Variants in QTMAN observed in about 807,000 individuals in gnomAD.
QTMAN encodes the protein queuosine-tRNA mannosyltransferase.
the QTMAN span, among the ~76,000 whole-genome samples, chr2:144,317,070 T>C: frequency 2.9e-3 from 448 of 152,296 alleles, 4 homozygotes; most frequent in African/African-American, 0.01. Context: ...CTGTATTCCA[T>C]TGATATACTT....
chr2:144,008,669 A>G, the QTMAN span, among the ~76,000 whole-genome samples: 2 of 151,956 alleles, frequency 1.3e-5, no homozygotes, highest in Non-Finnish European at 2.9e-5. Context: ...AAGAAAAACC[A>G]TGGAAGGAGA....
At chr2:144,088,913 A>G in the QTMAN span, among the ~76,000 whole-genome samples, 1 of 152,090 alleles carries the variant, frequency 6.6e-6, no homozygotes, top group Non-Finnish European at 1.5e-5. Context: ...TGGCCAAGGC[A>G]AAAATTTATG....
At chr2:144,179,501 T>C in the QTMAN span, among the ~76,000 whole-genome samples, 3 of 152,160 alleles carry the variant, frequency 2.0e-5, no homozygotes, top group Admixed American at 1.3e-4. Context: ...ACCGAGTGCA[T>C]GATACAATTA....
At chr2:144,295,324 T>C in the QTMAN span, 4 of 152,226 alleles carry the variant, frequency 2.6e-5, no homozygotes, top group African/African-American at 9.7e-5. Context: ...CATATCCCTC[T>C]GCTAGAGATA....
At chr2:144,064,506 T>C in the QTMAN span, among the ~76,000 whole-genome samples, 1 of 152,204 alleles carries the variant, frequency 6.6e-6, no homozygotes, top group Non-Finnish European at 1.5e-5. Flanking sequence ...CTGTGAGCTC[T>C]GCCTGCCGTT....
chr2:144,198,701 C>T, the QTMAN span, among the ~76,000 whole-genome samples: 1 of 152,160 alleles, frequency 6.6e-6, no homozygotes, highest in African/African-American at 2.4e-5. Context: ...TTGTATCGCA[C>T]AAAAGAGTCC....
the QTMAN span, among the ~76,000 whole-genome samples, chr2:144,023,272 G>T: frequency 5.9e-5 from 9 of 151,896 alleles, no homozygotes; most frequent in Non-Finnish European, 1.0e-4. Context: ...CCAATGGAAA[G>T]AGGTTTGAAT....
chr2:143,975,562 C>T, the QTMAN span, among the ~76,000 whole-genome samples: 1 of 152,210 alleles, frequency 6.6e-6, no homozygotes. Flanking sequence ...CACTCATCCT[C>T]TCTTTCTGAG....
At chr2:144,101,953 A>G in the QTMAN span, among the ~76,000 whole-genome samples, 2 of 152,178 alleles carry the variant, frequency 1.3e-5, no homozygotes, top group Non-Finnish European at 2.9e-5. Flanking sequence ...AAGTTTCTTG[A>G]GCATCTACCA....
At chr2:144,251,829 T>C in the QTMAN span, among the ~76,000 whole-genome samples, 1 of 152,114 alleles carries the variant, frequency 6.6e-6, no homozygotes, top group South Asian at 2.1e-4. Flanking sequence ...AAAATACATA[T>C]CTGATAAAGG....
chr2:143,993,375 C>T, the QTMAN span, among the ~76,000 whole-genome samples: 1 of 150,880 alleles, frequency 6.6e-6, no homozygotes. Flanking sequence ...ATCCTTGGAA[C>T]TCATGAATGT....
chr2:144,117,555 A>G, the QTMAN span, among the ~76,000 whole-genome samples: 1 of 152,210 alleles, frequency 6.6e-6, no homozygotes, highest in Non-Finnish European at 1.5e-5. Flanking sequence ...AAATAATTAC[A>G]TCATTAAATA....
the QTMAN span, among the ~76,000 whole-genome samples, chr2:144,029,908 G>A: frequency 2.6e-5 from 4 of 152,090 alleles, no homozygotes; most frequent in Admixed American, 1.3e-4. Context: ...ACAGCATAGC[G>A]TGAGTGTGAG....
At chr2:144,105,907 T>G in the QTMAN span, among the ~76,000 whole-genome samples, 1 of 152,206 alleles carries the variant, frequency 6.6e-6, no homozygotes, top group South Asian at 2.1e-4. Context: ...GTGAATCTCT[T>G]GGCAGAAACT....
the QTMAN span, among the ~76,000 whole-genome samples, chr2:144,176,526 A>G: frequency 6.6e-6 from 1 of 152,306 alleles, no homozygotes; most frequent in Admixed American, 6.5e-5. Flanking sequence ...CCAAAGGTAT[A>G]AAAACTGGAA....
At chr2:143,957,067 T>C in the QTMAN span, 10 of 718,418 alleles carry the variant, frequency 1.4e-5, no homozygotes, top group Non-Finnish European at 2.2e-5. Flanking sequence ...ACAGACAAAA[T>C]AGGTGATAGT....
At chr2:143,992,792 T>C in the QTMAN span, among the ~76,000 whole-genome samples, 4 of 152,124 alleles carry the variant, frequency 2.6e-5, no homozygotes, top group African/African-American at 7.2e-5. Context: ...GAGGTAGATA[T>C]GTGGGTAAGT....
chr2:144,205,683 T>C, the QTMAN span, among the ~76,000 whole-genome samples: 1 of 152,168 alleles, frequency 6.6e-6, no homozygotes, highest in African/African-American at 2.4e-5. Context: ...GAAAAAATGA[T>C]TTCTAAATAA....
chr2:144,213,558 T>C, the QTMAN span, among the ~76,000 whole-genome samples: 1 of 152,182 alleles, frequency 6.6e-6, no homozygotes, highest in Non-Finnish European at 1.5e-5. Flanking sequence ...GTTGTATTAA[T>C]ATATTCCATA....
Sources: gnomAD v4.1 joint callset for allele counts (sites outside exome capture counted in the v4.1 genomes callset) on GRCh38, gnomAD v4.1.1 for gene constraint, MANE v1.5 for transcripts, NCBI Gene and HGNC (gene_info 2026-07-23, HGNC 2026-07-21) for gene names.